Variants in TMEM117 observed in about 807,000 individuals in gnomAD.
The protein encoded by TMEM117 is transmembrane protein 117.
A neutral mutation model predicts 52.4 loss-of-function variants in TMEM117; 27 were observed. The ratio of observed to expected loss-of-function variants is 0.51; its 90% CI spans 0.38 to 0.71. TMEM117 has a LOEUF of 0.71. Ranked by LOEUF, TMEM117 falls within the 30% of genes least tolerant of loss-of-function variation. The pLI, the probability that TMEM117 is intolerant of heterozygous loss-of-function variation, is 0.00. For synonymous variants in TMEM117, 215 were observed against 206.3 expected (o/e 1.04, Z -0.36); for missense variants, 556 against 630.5 (o/e 0.88, Z 1.26).
intron 3 of TMEM117, among the ~76,000 whole-genome samples, chr12:44,051,911 AGT>A (rs1946979420): frequency 6.6e-6 from 1 of 152,218 alleles, no homozygotes; most frequent in African/African-American, 2.4e-5. Context: ...GCAGTGGGCA[AGT>A]CAACATGATG....
the TMEM117 span, chr12:43,799,417 C>T: frequency 2.4e-5 from 38 of 1,607,746 alleles, no homozygotes; most frequent in African/African-American, 4.0e-5. Context: ...TTTAATCTGT[C>T]GTAGTTCTTC....
intron 3 of TMEM117, among the ~76,000 whole-genome samples, chr12:43,967,999 A>G (rs780445974): frequency 6.6e-6 from 1 of 152,126 alleles, no homozygotes; most frequent in Non-Finnish European, 1.5e-5. Context: ...ATTTTTTGCC[A>G]TGTGTTTTTC....
At chr12:43,991,537 C>T (rs1041937908) in intron 3 of TMEM117, among the ~76,000 whole-genome samples, 17 of 151,378 alleles carry the variant, frequency 1.1e-4, no homozygotes, top group African/African-American at 4.2e-4. Context: ...TCCCTGACCT[C>T]CTCAAGGACC....
At chr12:43,816,878 A>G in the TMEM117 span, among the ~76,000 whole-genome samples, 2 of 152,366 alleles carry the variant, frequency 1.3e-5, no homozygotes, top group South Asian at 4.1e-4. Flanking sequence ...ATTTTATACA[A>G]GATGGTATAA....
intron 4 of TMEM117, among the ~76,000 whole-genome samples, chr12:44,205,880 T>G (rs1426281932): frequency 6.6e-6 from 1 of 152,168 alleles, no homozygotes; most frequent in Non-Finnish European, 1.5e-5. Context: ...AAAATAGAAC[T>G]AATATTTGAC....
At chr12:43,897,097 A>G (rs1944217928) in intron 2 of TMEM117, among the ~76,000 whole-genome samples, 1 of 152,132 alleles carries the variant, frequency 6.6e-6, no homozygotes, top group Non-Finnish European at 1.5e-5. Context: ...CACTTGAACT[A>G]TATTGAGTGT....
chr12:43,918,692 C>T (rs73284239), intron 2 of TMEM117, among the ~76,000 whole-genome samples: 1 of 152,184 alleles, frequency 6.6e-6, no homozygotes, highest in Non-Finnish European at 1.5e-5. Context: ...TAGCCCTTAG[C>T]TCTATGCCTG....
chr12:44,209,235 T>A (rs148041571), intron 4 of TMEM117, among the ~76,000 whole-genome samples: 1,745 of 152,214 alleles, frequency 0.011, 22 homozygotes, highest in South Asian at 0.052. Flanking sequence ...TAAATTTCTC[T>A]ATTTTCAACT....
intron 3 of TMEM117, among the ~76,000 whole-genome samples, chr12:44,005,743 T>A (rs1231917019): frequency 2.0e-5 from 3 of 152,192 alleles, no homozygotes; most frequent in Non-Finnish European, 4.4e-5. Context: ...ACTCCCACAA[T>A]GCCCACATGT....
At chr12:43,861,065 A>G (rs1204052087) in intron 2 of TMEM117, among the ~76,000 whole-genome samples, 3 of 152,076 alleles carry the variant, frequency 2.0e-5, no homozygotes, top group Non-Finnish European at 4.4e-5. Flanking sequence ...AGGCTGATTT[A>G]TTTAATAATT....
At chr12:44,096,508 A>C in intron 3 of TMEM117, among the ~76,000 whole-genome samples, 1 of 152,154 alleles carries the variant, frequency 6.6e-6, no homozygotes, top group Non-Finnish European at 1.5e-5. Flanking sequence ...ACTGGTACCA[A>C]AACAGAGATA....
At chr12:43,918,773 A>G (rs1051699184) in intron 2 of TMEM117, among the ~76,000 whole-genome samples, 2 of 152,214 alleles carry the variant, frequency 1.3e-5, no homozygotes, top group African/African-American at 4.8e-5. Context: ...AACACTCAAA[A>G]GCATTTTAAT....
intron 5 of TMEM117, among the ~76,000 whole-genome samples, chr12:44,276,914 G>GTGTC (rs1253105904): frequency 4.0e-5 from 6 of 151,118 alleles, no homozygotes; most frequent in Non-Finnish European, 7.4e-5. Context: ...GTGTATGTGT[G>GTGTC]TGTGTGTGTG....
At chr12:44,197,966 G>A (rs1949443326) in intron 4 of TMEM117, among the ~76,000 whole-genome samples, 1 of 152,164 alleles carries the variant, frequency 6.6e-6, no homozygotes, top group South Asian at 2.1e-4. Flanking sequence ...CAGGTTTAAT[G>A]TTCACCAGTA....
Position 44,211,337 on chromosome 12 carries a change from A to G in TMEM117, c.558A>G (p.Lys186=). ...LQDKPYPDWG[K]SARAFWKKGN... is the part of the protein sequence containing the mutation. ...ACAAACCCTATCCTGACTGGGGAAA[A>G]TCAGCAAGAGCTTTCTGGAAGAAAG... Residue 186 remains lysine (K), a synonymous_variant, in exon 5 of 8, where the codon AAA becomes AAG. Coordinates refer to ENST00000266534, the MANE Select transcript of TMEM117 (RefSeq NM_032256.3). 6.2e-7 allele frequency: 1 copy of G among 1,612,444 alleles called. No homozygotes were observed. Among genetic ancestry groups the G allele is most frequent in the South Asian group, 1.1e-5 (1 of 90,906 alleles).
chr12:43,924,321 C>T (rs1046706918), intron 2 of TMEM117, among the ~76,000 whole-genome samples: 2 of 151,986 alleles, frequency 1.3e-5, no homozygotes, highest in Admixed American at 6.6e-5. Context: ...TCATTGTTTG[C>T]GTAGACACTG....
At chr12:43,983,058 T>C (rs1945787066) in intron 3 of TMEM117, among the ~76,000 whole-genome samples, 1 of 152,188 alleles carries the variant, frequency 6.6e-6, no homozygotes, top group Non-Finnish European at 1.5e-5. Flanking sequence ...TTTTATTTGA[T>C]TGCTGATCTG....
chr12:43,928,298 A>G (rs538506299), intron 2 of TMEM117, among the ~76,000 whole-genome samples: 18 of 152,004 alleles, frequency 1.2e-4, no homozygotes, highest in African/African-American at 4.1e-4. Context: ...TTATTATTTT[A>G]TATAAATAAT....
chr12:43,908,245 T>A (rs1339767412), intron 2 of TMEM117, among the ~76,000 whole-genome samples: 1 of 72,680 alleles, frequency 1.4e-5, no homozygotes, highest in Non-Finnish European at 4.0e-5. Context: ...CCAGCCAAAC[T>A]AAGCTTCATA....
Sources: allele counts gnomAD v4.1 joint callset (sites outside exome capture counted in the v4.1 genomes callset), GRCh38; gene constraint gnomAD v4.1.1; transcripts MANE v1.5; gene names NCBI Gene and HGNC (gene_info 2026-07-23, HGNC 2026-07-21).